The following NEBL variants were observed in gnomAD, a reference collection of about 807,000 sequenced individuals.
NEBL encodes LIM and SH3 protein 2.
In NEBL, 122 loss-of-function variants were observed where a neutral mutation model predicts 140.2. That is an observed-to-expected ratio of 0.87 (90% CI 0.75 to 1.01). NEBL has a LOEUF of 1.01. NEBL is among the 50% of genes least tolerant of loss of function. The probability of loss-of-function intolerance (pLI) is 0.00; values close to 1 mark genes in which losing one functional copy is unlikely to be tolerated. For missense variants in NEBL, 1,365 were observed against 1,231.3 expected (o/e 1.11, Z -1.62); for synonymous variants, 436 against 398.9 (o/e 1.09, Z -1.11).
chr10:20,791,676 T>C (rs990669552), intron 26 of NEBL, among the ~76,000 whole-genome samples: 2 of 152,054 alleles, frequency 1.3e-5, no homozygotes, highest in Non-Finnish European at 2.9e-5. Context: ...ATTATGGGCG[T>C]GAGCACTGCA....
At chr10:21,116,405 T>C (rs1000531041) in intron 2 of NEBL, among the ~76,000 whole-genome samples, 1 of 152,036 alleles carries the variant, frequency 6.6e-6, no homozygotes, top group African/African-American at 2.4e-5. Flanking sequence ...AAGTTATTAA[T>C]CTTATCATAA....
At chr10:20,873,917 T>G (rs1279130097) in intron 5 of NEBL, among the ~76,000 whole-genome samples, 1 of 152,166 alleles carries the variant, frequency 6.6e-6, no homozygotes, top group African/African-American at 2.4e-5. Context: ...TAACTTTAAA[T>G]GAAGTTTCAT....
intron 4 of NEBL, among the ~76,000 whole-genome samples, chr10:20,885,220 T>C: frequency 6.6e-6 from 1 of 152,222 alleles, no homozygotes; most frequent in Non-Finnish European, 1.5e-5. Context: ...TTAATTATCA[T>C]AGATACTGTC....
Position 20,823,225 on chromosome 10 carries a change from G to C in NEBL, c.1945C>G (p.Gln649Glu). Residue 649 changes from glutamine to glutamate, a missense_variant, in exon 19 of 28, where the codon CAG becomes GAG. Gln to Glu is a conservative substitution (Grantham distance 29, BLOSUM62 2). Coordinates refer to ENST00000377122, the MANE Select transcript of NEBL (RefSeq NM_006393.3). ...PPELKRVKEN[Q>E]KNISNLQYKE... Reference sequence around the variant, plus strand: ...ATGATCACATTGCTGATGTTCTTCTGGTTTTCTTTAACTCTCTTTAGTTCT... The same window carrying C: ...ATGATCACATTGCTGATGTTCTTCTCGTTTTCTTTAACTCTCTTTAGTTCT... 1.2e-6 allele frequency: 2 copies of C among 1,606,250 alleles called. No homozygotes were observed. The highest frequency in any genetic ancestry group is 1.7e-6 in the Non-Finnish European group (2 of 1,175,770).
chr10:20,831,603 C>T lies in NEBL; in HGVS notation c.1450-20G>A. ...GTCTTTCTGCAGAAAATGAAACATA[C>T]AGTTAGTGCTCTCCAATCATTTGAG... On this transcript the variant is annotated intron_variant, in intron 14 of 27. Coordinates refer to ENST00000377122, the MANE Select transcript of NEBL (RefSeq NM_006393.3). 6.8e-7 allele frequency: 1 copy of T among 1,466,510 alleles called. No individual in the cohort carries two copies. The highest frequency in any genetic ancestry group is 1.4e-5 in the African/African-American group (1 of 71,802). 90.8% of individuals were successfully genotyped at this position (1,466,510 alleles called of 1,614,324 possible).
chr10:20,968,634 TAGG>T (rs1229283149), intron 3 of NEBL, among the ~76,000 whole-genome samples: 1 of 152,170 alleles, frequency 6.6e-6, no homozygotes, highest in Admixed American at 6.5e-5. Context: ...AAGGTATATA[TAGG>T]AGGAGAACAG....
At chr10:21,221,882 T>C (rs1260609353) in intron 3 of NEBL, among the ~76,000 whole-genome samples, 1 of 152,024 alleles carries the variant, frequency 6.6e-6, no homozygotes, top group Admixed American at 6.6e-5. Context: ...CATCTTTGTA[T>C]TGTTCCTTTT....
chr10:20,941,451 T>A (rs1405207650), intron 4 of NEBL, among the ~76,000 whole-genome samples: 1 of 152,176 alleles, frequency 6.6e-6, no homozygotes, highest in Non-Finnish European at 1.5e-5. Flanking sequence ...ATAAGAGCTA[T>A]CTATGACAAA....
intron 16 of NEBL, among the ~76,000 whole-genome samples, chr10:20,829,672 TTGTA>T (rs1193598928): frequency 6.6e-6 from 1 of 152,140 alleles, no homozygotes; most frequent in Non-Finnish European, 1.5e-5. Flanking sequence ...AGTATCCCAA[TTGTA>T]TTTCAGTGAT....
chr10:20,866,211 T>G (rs564437499), intron 7 of NEBL, among the ~76,000 whole-genome samples: 1 of 152,078 alleles, frequency 6.6e-6, no homozygotes, highest in African/African-American at 2.4e-5. Context: ...CACACCATTC[T>G]GGGAAGGGGG....
intron 2 of NEBL, among the ~76,000 whole-genome samples, chr10:21,092,985 A>G (rs1186434884): frequency 6.6e-6 from 1 of 152,092 alleles, no homozygotes; most frequent in African/African-American, 2.4e-5. Flanking sequence ...CTCACAGTAT[A>G]TTTTCTCTGA....
intron 1 of NEBL, among the ~76,000 whole-genome samples, chr10:21,254,972 C>T (rs1394611942): frequency 2.6e-5 from 4 of 152,172 alleles, no homozygotes; most frequent in Non-Finnish European, 5.9e-5. Context: ...ATTAGCCACA[C>T]ATAGTGTGTG....
chr10:21,178,791 G>A (rs536436379), upstream of NEBL, among the ~76,000 whole-genome samples: 160 of 152,276 alleles, frequency 1.1e-3, no homozygotes, highest in South Asian at 9.1e-3. Flanking sequence ...ACTCATAATT[G>A]CAAGTGTGAG....
intron 2 of NEBL, among the ~76,000 whole-genome samples, chr10:21,050,759 C>A (rs967109855): frequency 5.9e-5 from 9 of 152,178 alleles, no homozygotes; most frequent in African/African-American, 2.2e-4. Flanking sequence ...GAAGATCACA[C>A]AGATGACATT....
chr10:21,190,157 G>T (rs543762899), intron 3 of NEBL, among the ~76,000 whole-genome samples: 1 of 152,144 alleles, frequency 6.6e-6, no homozygotes, highest in Non-Finnish European at 1.5e-5. Flanking sequence ...TCAATATGTG[G>T]TTATTAATTG....
intron 2 of NEBL, among the ~76,000 whole-genome samples, chr10:21,119,543 A>T (rs969519034): frequency 6.7e-6 from 1 of 150,354 alleles, no homozygotes; most frequent in Non-Finnish European, 1.5e-5. Flanking sequence ...TAACATATAT[A>T]ACATTTATTT....
chr10:20,924,894 T>C (rs1349866144), intron 4 of NEBL, among the ~76,000 whole-genome samples: 1 of 152,090 alleles, frequency 6.6e-6, no homozygotes, highest in African/African-American at 2.4e-5. Context: ...CTGAGGTTTG[T>C]AACTTGGAAG....
chr10:20,995,573 A>G (rs1022708918), intron 3 of NEBL, among the ~76,000 whole-genome samples: 1 of 152,210 alleles, frequency 6.6e-6, no homozygotes, highest in African/African-American at 2.4e-5. Flanking sequence ...CCGAGCAGAC[A>G]AATCTATCAG....
intron 26 of NEBL, among the ~76,000 whole-genome samples, chr10:20,791,267 TA>T (rs758290648): frequency 6.6e-6 from 1 of 152,182 alleles, no homozygotes; most frequent in South Asian, 2.1e-4. Flanking sequence ...TACAATAAAG[TA>T]CTTCCACAGA....
Sources: gnomAD v4.1 joint callset for allele counts (sites outside exome capture counted in the v4.1 genomes callset) on GRCh38, gnomAD v4.1.1 for gene constraint, MANE v1.5 for transcripts, NCBI Gene and HGNC (gene_info 2026-07-23, HGNC 2026-07-21) for gene names.